ADI1: variants seen among roughly 807,000 people sequenced by gnomAD.
ADI1 encodes the protein acireductone dioxygenase.
ADI1 carries 21 observed loss-of-function variants against 18.7 expected under a neutral mutation model. The ratio of observed to expected loss-of-function variants is 1.13; its 90% confidence interval spans 0.80 to 1.62. The LOEUF (loss-of-function observed/expected upper bound fraction) is 1.62. Ranked by LOEUF, ADI1 falls within the 40% of genes most tolerant of loss-of-function variation. The probability of loss-of-function intolerance (pLI) is 0.00; values close to 1 mark genes in which losing one functional copy is unlikely to be tolerated. For missense variants in ADI1, 245 were observed against 254.9 expected (o/e 0.96, Z 0.26); for synonymous variants, 90 against 100.1 (o/e 0.90, Z 0.60).
chr2:3,503,752 C>T (rs531966853), intron 2 of ADI1, among the ~76,000 whole-genome samples: 3 of 152,258 alleles, frequency 2.0e-5, no homozygotes, highest in South Asian at 2.1e-4. Flanking sequence ...GCTGGGGATG[C>T]GCCAGGGGAC....
intron 2 of ADI1, among the ~76,000 whole-genome samples, chr2:3,509,644 T>C (rs1216195611): frequency 6.6e-6 from 1 of 150,924 alleles, no homozygotes; most frequent in Non-Finnish European, 1.5e-5. Context: ...GAAATGAAAA[T>C]AAAAAGTATA....
intron 2 of ADI1, among the ~76,000 whole-genome samples, chr2:3,501,652 C>G (rs1337519897): frequency 6.6e-6 from 1 of 151,910 alleles, no homozygotes; most frequent in Non-Finnish European, 1.5e-5. Flanking sequence ...TCGTGCCTCC[C>G]AAGTAGCTGG....
intron 1 of ADI1, chr2:3,515,948 A>G (rs554520432): frequency 3.3e-5 from 33 of 985,470 alleles, no homozygotes; most frequent in Middle Eastern, 5.2e-4. Context: ...TTTTCTACAA[A>G]GTTGACTCTA....
intron 2 of ADI1, among the ~76,000 whole-genome samples, chr2:3,511,698 G>A (rs1412584293): frequency 5.3e-5 from 8 of 152,210 alleles, no homozygotes; most frequent in South Asian, 4.1e-4. Flanking sequence ...TGAGTAACAC[G>A]CAGAGACTAG....
rs2103198290 is a variant in ADI1 at position 3,498,195 on chromosome 2, T to C, written c.*768A>G. ...ACATGAAGTTAACTTGGAGTTTTTC[T>C]GTGATATGACAAACTAGGCATAATC... On this transcript the variant is annotated 3_prime_UTR_variant, in exon 4 of 4. Coordinates refer to ENST00000327435, the MANE Select transcript of ADI1 (RefSeq NM_018269.4). 1 of 152,366 alleles carries C rather than the reference T, an allele frequency of 6.6e-6. No homozygotes were observed. The highest frequency in any genetic ancestry group is 6.5e-5 in the Admixed American group (1 of 15,304). 9.4% of individuals were successfully genotyped at this position (152,366 alleles called of 1,614,324 possible).
At chr2:3,510,051 G>A (rs1337462236) in intron 2 of ADI1, among the ~76,000 whole-genome samples, 2 of 151,606 alleles carry the variant, frequency 1.3e-5, no homozygotes, top group Non-Finnish European at 2.9e-5. Flanking sequence ...GCTGAGGCAG[G>A]AGAATTGCTT....
At position 3,519,391 on chromosome 2, in the gene ADI1, G is replaced by C; in HGVS notation, c.97C>G (p.Arg33Gly). 7.0e-7 allele frequency: 1 copy of C among 1,426,262 alleles called. No individual in the cohort carries two copies. Among genetic ancestry groups the C allele is most frequent in the Non-Finnish European group, 9.1e-7 (1 of 1,097,192 alleles). The allele number at this position is 1,426,262 out of a possible 1,614,324, so 88.4% of individuals were successfully genotyped here. A position where few individuals can be genotyped will look rare whatever the true frequency, so the allele number is the denominator to read the frequency against. Residue 33 changes from arginine (R) to glycine (G), a missense_variant, in exon 1 of 4, where the codon CGG becomes GGG. Coordinates refer to ENST00000327435, the MANE Select transcript of ADI1 (RefSeq NM_018269.4). ...GRPVGLEQLR[R>G]LGVLYWKLDA... Reference sequence around the variant, plus strand: ...ACCTTCCAGTAGAGCACCCCGAGCCGCCGCAGCTGCTCCAGGCCCACTGGG... The same window carrying C: ...ACCTTCCAGTAGAGCACCCCGAGCCCCCGCAGCTGCTCCAGGCCCACTGGG...
In ADI1 at chr2:3,519,417, C is replaced by A; in HGVS notation, c.71G>T (p.Arg24Leu). The change falls in exon 1 of 4, where the codon CGC becomes CTC. Residue 24 changes from arginine (R) to leucine (L), a missense_variant. Transcript: ENST00000327435. Reference sequence around the variant, plus strand: ...CCGCAGCTGCTCCAGGCCCACTGGGCGGCCGGGGTCGGGGCGGTGGGGTTG... The same window carrying A: ...CCGCAGCTGCTCCAGGCCCACTGGGAGGCCGGGGTCGGGGCGGTGGGGTTG... ...PRQPHRPDPGRPVGLEQLRRL... is the reference protein window; with the variant it reads ...PRQPHRPDPGLPVGLEQLRRL... 7 of 1,381,972 alleles carry A rather than the reference C, an allele frequency of 5.1e-6. No individual in the cohort carries two copies. The highest frequency in any genetic ancestry group is 1.7e-5 in the South Asian group (1 of 60,260). 85.6% of individuals were successfully genotyped at this position (1,381,972 alleles called of 1,614,324 possible).
chr2:3,506,838 T>C (rs1184826918), intron 2 of ADI1, among the ~76,000 whole-genome samples: 1 of 152,200 alleles, frequency 6.6e-6, no homozygotes, highest in African/African-American at 2.4e-5. Context: ...GGTGAAATAG[T>C]AGAAAAATAG....
rs191270074 is a variant in ADI1, at chr2:3,513,883, C to T, written c.214G>A (p.Asp72Asn). ...TTTTCTTCATAATTTGGTAGTTTAT[C>T]TTTGCATATGGTTATGATGTCCATC... is the stretch of plus-strand genomic sequence containing the variant. The part of the protein sequence containing the change: ...SWMDIITICK[D>N]KLPNYEEKIK... Residue 72 changes from aspartate to asparagine, a missense_variant, in exon 2 of 4, where the codon GAT becomes AAT. Asp to Asn is a conservative substitution (Grantham distance 23). Transcript: ENST00000327435. The T allele has an allele frequency of 1.0e-4, 166 of 1,605,528 alleles. No individual in the cohort carries two copies. The highest frequency in any genetic ancestry group is 1.0e-3 in the Middle Eastern group (6 of 5,836).
chr2:3,510,690 A>C (rs138982714), intron 2 of ADI1, among the ~76,000 whole-genome samples: 1 of 152,360 alleles, frequency 6.6e-6, no homozygotes, highest in Non-Finnish European at 1.5e-5. Context: ...ACTCAAATGA[A>C]ATGGACAAAT....
At chr2:3,516,804 C>G in intron 1 of ADI1, 1 of 985,368 alleles carries the variant, frequency 1.0e-6, no homozygotes, top group Non-Finnish European at 1.2e-6. Context: ...TCACTAATAA[C>G]AGATTGATTA....
chr2:3,518,637 C>T (rs952525731), intron 1 of ADI1, among the ~76,000 whole-genome samples: 5 of 152,058 alleles, frequency 3.3e-5, no homozygotes, highest in Non-Finnish European at 7.4e-5. Flanking sequence ...GAGCGCTACC[C>T]CCCGGGGATC....
chr2:3,506,877 G>T (rs544747314), intron 2 of ADI1, among the ~76,000 whole-genome samples: 15 of 152,294 alleles, frequency 9.8e-5, no homozygotes, highest in African/African-American at 3.6e-4. Flanking sequence ...AAGGACCAAA[G>T]GCAATACAAT....
At chr2:3,515,963 T>C (rs1667399665) in intron 1 of ADI1, 2 of 985,440 alleles carry the variant, frequency 2.0e-6, no homozygotes, top group Non-Finnish European at 2.4e-6. Flanking sequence ...ACTCTAAAAC[T>C]TAGCCTATCC....
intron 2 of ADI1, among the ~76,000 whole-genome samples, chr2:3,502,450 CT>C (rs35773710): frequency 0.019 from 2,438 of 130,698 alleles, 29 homozygotes; most frequent in South Asian, 0.066. Flanking sequence ...GGAAATAGCT[CT>C]TTTTTTTTTT....
intron 1 of ADI1, among the ~76,000 whole-genome samples, chr2:3,518,855 G>C (rs185701790): frequency 6.6e-6 from 1 of 152,216 alleles, no homozygotes; most frequent in South Asian, 2.1e-4. Context: ...CCTGCCGGCC[G>C]ACCCTTCAGG....
At chr2:3,500,499 G>GTGACAA (rs1347350629) in intron 3 of ADI1, 10 of 490,954 alleles carry the variant, frequency 2.0e-5, no homozygotes, top group East Asian at 3.5e-5. Context: ...AAGGGCTGGG[G>GTGACAA]CAGGGCCAGG....
In ADI1 at chr2:3,500,808, T is replaced by TC; in HGVS notation, c.420+5dup. ...CGGGCCTGGGGAGAAAGCACAGCACTCCCACCTTCTCGTCCACCGTGAAGC... is the reference window on the plus strand; with the variant it reads ...CGGGCCTGGGGAGAAAGCACAGCACTCCCCACCTTCTCGTCCACCGTGAAGC... On this transcript the variant is annotated splice_donor_region_variant and intron_variant, in intron 3 of 3. Coordinates refer to ENST00000327435, the MANE Select transcript of ADI1 (RefSeq NM_018269.4). 1 of 1,613,786 alleles carries TC rather than the reference T, an allele frequency of 6.2e-7. No individual in the cohort carries two copies. The highest frequency in any genetic ancestry group is 8.5e-7 in the Non-Finnish European group (1 of 1,179,776).
Sources: gnomAD v4.1 joint callset for allele counts (sites outside exome capture counted in the v4.1 genomes callset) on GRCh38, gnomAD v4.1.1 for gene constraint, MANE v1.5 for transcripts, NCBI Gene and HGNC (gene_info 2026-07-23, HGNC 2026-07-21) for gene names.